Variants in MGAT5 observed in about 807,000 individuals in gnomAD.
MGAT5 encodes alpha-1,6-mannosylglycoprotein 6-beta-N-acetylglucosaminyltransferase.
In MGAT5, 30 loss-of-function variants were observed where a neutral mutation model predicts 94.3. The observed-to-expected ratio is 0.32, with a 90% confidence interval of 0.24 to 0.43. The LOEUF is 0.43. Among genes scored for constraint, MGAT5 ranks in the 20% least tolerant of loss-of-function variants. MGAT5 has a pLI of 1.00. For missense variants in MGAT5, 691 were observed against 905.5 expected (o/e 0.76, Z 3.04); for synonymous variants, 310 against 322.9 (o/e 0.96, Z 0.43).
rs376413567 is a variant in MGAT5, at chr2:134,391,100, A to G, written c.1381-11888A>G. Reference sequence around the variant, plus strand: ...GGAATCAAGTAAGAGGAGGGGACATATTGAACTCTCAAGCAGTGTTTAACC... The same window carrying G: ...GGAATCAAGTAAGAGGAGGGGACATGTTGAACTCTCAAGCAGTGTTTAACC... On this transcript the variant is annotated intron_variant, in intron 10 of 15. Coordinates refer to ENST00000281923, the MANE Select transcript of MGAT5 (RefSeq NM_002410.5). 1.3e-4 allele frequency among the ~76,000 whole-genome samples: 20 copies of G among 152,256 alleles called. No individual in the cohort carries two copies. In the East Asian group the frequency reaches 2.7e-3, roughly 21 times the overall value.
At chr2:134,261,835 C>T (rs1019736459) in intron 1 of MGAT5, among the ~76,000 whole-genome samples, 8 of 152,198 alleles carry the variant, frequency 5.3e-5, no homozygotes, top group Admixed American at 2.6e-4. Flanking sequence ...TGGTGAAACT[C>T]TGTGATGCTC....
intron 1 of MGAT5, among the ~76,000 whole-genome samples, chr2:134,235,475 G>T (rs1681591112): frequency 6.6e-6 from 1 of 152,112 alleles, no homozygotes; most frequent in Non-Finnish European, 1.5e-5. Context: ...ATCCTTGGGT[G>T]GGTTTTGATG....
intron 8 of MGAT5, among the ~76,000 whole-genome samples, chr2:134,346,406 A>AATC (rs1250835672): frequency 1.3e-5 from 2 of 152,170 alleles, no homozygotes; most frequent in Admixed American, 6.5e-5. Context: ...TTCTTTAATA[A>AATC]ATCATCTATG....
intron 1 of MGAT5, among the ~76,000 whole-genome samples, chr2:134,169,391 C>CAG (rs1688094308): frequency 8.4e-6 from 1 of 119,484 alleles, no homozygotes; most frequent in African/African-American, 3.1e-5. Context: ...TAAAAATACA[C>CAG]ACACACACAC....
intron 15 of MGAT5, among the ~76,000 whole-genome samples, chr2:134,444,262 C>T (rs1467043713): frequency 6.6e-6 from 1 of 152,216 alleles, no homozygotes; most frequent in Non-Finnish European, 1.5e-5. Flanking sequence ...GCCCTGGCCC[C>T]TCCCCACCTC....
intron 14 of MGAT5, among the ~76,000 whole-genome samples, 161 bp from the exon 15 acceptor site, chr2:134,441,596 AT>A (rs1685489184): frequency 6.6e-6 from 1 of 152,126 alleles, no homozygotes; most frequent in Non-Finnish European, 1.5e-5. Flanking sequence ...CTGAAGGCAT[AT>A]TCCAGCTGAG....
intron 2 of MGAT5, among the ~76,000 whole-genome samples, chr2:134,278,232 G>A (rs1377948136): frequency 5.3e-5 from 8 of 152,190 alleles, no homozygotes; most frequent in Admixed American, 5.2e-4. Flanking sequence ...CAGAAGTGAT[G>A]CTGTCCTTCA....
chr2:134,380,651 C>T (rs1448780172), intron 10 of MGAT5, among the ~76,000 whole-genome samples: 1 of 151,964 alleles, frequency 6.6e-6, no homozygotes, highest in Non-Finnish European at 1.5e-5. Context: ...GAATGGTAGC[C>T]CTCATTTTTC....
At chr2:134,165,100 C>T (rs1485085264) in intron 1 of MGAT5, among the ~76,000 whole-genome samples, 4 of 152,168 alleles carry the variant, frequency 2.6e-5, no homozygotes, top group Non-Finnish European at 4.4e-5. Flanking sequence ...AGCCATTAGT[C>T]AACTGGCTTT....
intron 1 of MGAT5, among the ~76,000 whole-genome samples, chr2:134,153,011 C>T (rs1207240560): frequency 6.7e-6 from 1 of 148,222 alleles, no homozygotes; most frequent in Admixed American, 6.9e-5. Context: ...TCAAGCAGTT[C>T]TCCTGTCTCA....
intron 1 of MGAT5, among the ~76,000 whole-genome samples, chr2:134,180,944 A>G (rs1374334960): frequency 6.6e-6 from 1 of 152,174 alleles, no homozygotes; most frequent in Non-Finnish European, 1.5e-5. Context: ...AGAGCTGCAG[A>G]TACTTTCTCA....
At chr2:134,381,544 T>C (rs1055389382) in intron 10 of MGAT5, among the ~76,000 whole-genome samples, 46 of 141,524 alleles carry the variant, frequency 3.3e-4, no homozygotes, top group Admixed American at 9.8e-4. Flanking sequence ...GACAGATAGA[T>C]AGATAGATAG....
intron 1 of MGAT5, among the ~76,000 whole-genome samples, chr2:134,165,774 C>CA (rs79200774): frequency 0.037 from 5,146 of 139,678 alleles, 104 homozygotes; most frequent in Non-Finnish European, 0.055. Context: ...AACTCTGTCT[C>CA]AAAAAAAAAA....
chr2:134,270,290 T>C (rs1683950425), intron 1 of MGAT5, 96 bp from the exon 2 acceptor site: 2 of 1,212,202 alleles, frequency 1.6e-6, no homozygotes, highest in Non-Finnish European at 2.3e-6. Flanking sequence ...TTCAGAAACA[T>C]TTGAGAAGTT....
intron 10 of MGAT5, 88 bp downstream of exon 10, chr2:134,362,496 A>C: frequency 6.7e-7 from 1 of 1,488,516 alleles, no homozygotes; most frequent in South Asian, 1.3e-5. Flanking sequence ...AATCAAGCCA[A>C]GTGCCCAGGG....
chr2:134,405,323 CATT>C (rs1310455549), intron 11 of MGAT5, among the ~76,000 whole-genome samples: 1 of 152,210 alleles, frequency 6.6e-6, no homozygotes, highest in Non-Finnish European at 1.5e-5. Context: ...TCACTGATCC[CATT>C]ACCTATTGCC....
At chr2:134,181,740 C>T (rs1365585246) in intron 1 of MGAT5, among the ~76,000 whole-genome samples, 1 of 152,102 alleles carries the variant, frequency 6.6e-6, no homozygotes, top group African/African-American at 2.4e-5. Flanking sequence ...TTAATTATTG[C>T]ATGCCACATG....
At chr2:134,296,763 T>C (rs1354066513) in intron 2 of MGAT5, among the ~76,000 whole-genome samples, 1 of 152,118 alleles carries the variant, frequency 6.6e-6, no homozygotes, top group Non-Finnish European at 1.5e-5. Flanking sequence ...TTATGAGATA[T>C]AGAATCCAAA....
intron 1 of MGAT5, among the ~76,000 whole-genome samples, chr2:134,147,330 C>T (rs1031410423): frequency 6.6e-6 from 1 of 152,198 alleles, no homozygotes; most frequent in African/African-American, 2.4e-5. Context: ...ACGGTCTATG[C>T]AGGCAGTGTA....
Sources: gnomAD v4.1 joint callset for allele counts (sites outside exome capture counted in the v4.1 genomes callset) on GRCh38, gnomAD v4.1.1 for gene constraint, MANE v1.5 for transcripts, NCBI Gene and HGNC (gene_info 2026-07-23, HGNC 2026-07-21) for gene names.